ATL2: variants seen among roughly 807,000 people sequenced by gnomAD.
The protein encoded by ATL2 is atlastin-2.
ATL2 carries 31 observed loss-of-function variants against 73.9 expected under a neutral mutation model. That is an observed-to-expected ratio of 0.42 (90% CI 0.32 to 0.57). The LOEUF is 0.57. ATL2 is among the 20% of genes least tolerant of loss of function. The pLI, the probability that ATL2 is intolerant of heterozygous loss-of-function variation, is 0.14. For synonymous variants in ATL2, 291 were observed against 237.5 expected, an observed-to-expected ratio of 1.23 and a Z score of -2.07; for missense variants, 738 against 702.6, an observed-to-expected ratio of 1.05 and a Z score of -0.57.
At chr2:38,323,925 C>T (rs990515603) in intron 2 of ATL2, among the ~76,000 whole-genome samples, 6 of 152,076 alleles carry the variant, frequency 3.9e-5, no homozygotes, top group African/African-American at 1.2e-4. Flanking sequence ...AATAAAGGTT[C>T]ATACAAAAGC....
At chr2:38,308,815 G>C (rs949125006) in intron 9 of ATL2, among the ~76,000 whole-genome samples, 3 of 151,794 alleles carry the variant, frequency 2.0e-5, no homozygotes, top group Admixed American at 2.0e-4. Context: ...TAATATGAGA[G>C]TAACTATCAA....
At chr2:38,376,346 G>C in intron 1 of ATL2, 1 of 964,428 alleles carries the variant, frequency 1.0e-6, no homozygotes, top group Non-Finnish European at 1.4e-6. Flanking sequence ...TACAGTAGGA[G>C]CTCACATTCA....
intron 2 of ATL2, among the ~76,000 whole-genome samples, chr2:38,334,920 ATTTATATATTATAATATATAACAT>A (rs1669256699): frequency 7.5e-6 from 1 of 133,762 alleles, no homozygotes; most frequent in Non-Finnish European, 1.5e-5. Context: ...ATATAAATAT[ATTTATATATTATAATATATAACAT>A]TTATATAATA....
chr2:38,323,391 T>C (rs1016113871), intron 2 of ATL2, among the ~76,000 whole-genome samples: 17 of 122,450 alleles, frequency 1.4e-4, no homozygotes, highest in Non-Finnish European at 2.3e-4. Context: ...GGGGTCTCAC[T>C]TGCTATGTTG....
At chr2:38,326,413 A>G (rs573685132) in intron 2 of ATL2, among the ~76,000 whole-genome samples, 2 of 152,360 alleles carry the variant, frequency 1.3e-5, no homozygotes, top group East Asian at 3.9e-4. Flanking sequence ...GCAAAAAATT[A>G]CAAGCCATGC....
chr2:38,345,670 G>A (rs1669976989), intron 1 of ATL2, among the ~76,000 whole-genome samples: 1 of 152,286 alleles, frequency 6.6e-6, no homozygotes, highest in South Asian at 2.1e-4. Flanking sequence ...GAACTTTCCA[G>A]GAAAAGTTGC....
At chr2:38,373,677 GTA>G (rs1474896928) in intron 1 of ATL2, among the ~76,000 whole-genome samples, 1 of 152,136 alleles carries the variant, frequency 6.6e-6, no homozygotes, top group African/African-American at 2.4e-5. Context: ...AGCAATATGT[GTA>G]TATACCCAAG....
At chr2:38,372,679 A>G (rs1375589390) in intron 1 of ATL2, among the ~76,000 whole-genome samples, 1 of 152,276 alleles carries the variant, frequency 6.6e-6, no homozygotes, top group East Asian at 1.9e-4. Flanking sequence ...ATCACATCTT[A>G]TGTTAATAAC....
intron 1 of ATL2, chr2:38,375,987 TG>T: frequency 8.6e-7 from 1 of 1,161,402 alleles, no homozygotes; most frequent in Non-Finnish European, 1.1e-6. Context: ...TGAGTCCTTG[TG>T]GTTAACATCA....
intron 9 of ATL2, among the ~76,000 whole-genome samples, chr2:38,301,000 C>T (rs1435116995): frequency 2.9e-5 from 4 of 138,566 alleles, no homozygotes; most frequent in South Asian, 2.1e-4. Context: ...GAAGGAATTT[C>T]GCTCTTATTG....
At chr2:38,322,212 T>C (rs1668366474) in intron 2 of ATL2, among the ~76,000 whole-genome samples, 1 of 152,118 alleles carries the variant, frequency 6.6e-6, no homozygotes, top group African/African-American at 2.4e-5. Context: ...AATCTGGTAC[T>C]TAATGAATTT....
chr2:38,320,732 T>A (rs960687077), intron 2 of ATL2, among the ~76,000 whole-genome samples: 1 of 152,170 alleles, frequency 6.6e-6, no homozygotes, highest in African/African-American at 2.4e-5. Flanking sequence ...CTTGGATATC[T>A]AGTCTAAAAC....
chr2:38,355,109 A>C (rs1670581972), intron 1 of ATL2, among the ~76,000 whole-genome samples: 1 of 152,154 alleles, frequency 6.6e-6, no homozygotes, highest in African/African-American at 2.4e-5. Flanking sequence ...GGGTAATAAA[A>C]GCAAAACTAT....
At chr2:38,347,222 CT>C (rs1300304112) in intron 1 of ATL2, among the ~76,000 whole-genome samples, 3 of 152,204 alleles carry the variant, frequency 2.0e-5, no homozygotes, top group Non-Finnish European at 4.4e-5. Flanking sequence ...TGGGCCCAGC[CT>C]CCTCTCCATA....
chr2:38,331,063 G>C (rs1217201353), intron 2 of ATL2, among the ~76,000 whole-genome samples: 1 of 152,124 alleles, frequency 6.6e-6, no homozygotes, highest in Non-Finnish European at 1.5e-5. Context: ...AGCACTTTGG[G>C]AGGCAGGCAG....
At chr2:38,313,301 A>G in intron 6 of ATL2, 58 bp from the exon 7 acceptor site, 1 of 1,269,148 alleles carries the variant, frequency 7.9e-7, no homozygotes, top group Non-Finnish European at 1.1e-6. Flanking sequence ...TTACGAAAAA[A>G]TCACAACTCT....
rs1342483565 is a variant in ATL2 at position 38,294,210 on chromosome 2, A to C, written c.*1784T>G. On this transcript the variant is annotated 3_prime_UTR_variant, in exon 13 of 13. Transcript: ENST00000378954. ...GATGTATCAACCAAAGTAAATTCAG[A>C]GTTTTCACACATGCAACTCAACACC... Among the ~76,000 whole-genome samples, 1 of 152,240 alleles carries C rather than the reference A, an allele frequency of 6.6e-6. No homozygotes were observed. Among genetic ancestry groups the C allele is most frequent in the Non-Finnish European group, 1.5e-5 (1 of 68,040 alleles).
At chr2:38,368,635 T>A (rs1001540798) in intron 1 of ATL2, among the ~76,000 whole-genome samples, 1 of 152,070 alleles carries the variant, frequency 6.6e-6, no homozygotes. Context: ...GCCAATTTAT[T>A]TAAGAAAAAC....
intron 12 of ATL2, chr2:38,296,708 A>G (rs1666914262): frequency 6.4e-7 from 1 of 1,553,294 alleles, no homozygotes; most frequent in African/African-American, 1.4e-5. Flanking sequence ...CCTCTGAAGC[A>G]AAAGAAAAGA....
Sources: allele counts gnomAD v4.1 joint callset (sites outside exome capture counted in the v4.1 genomes callset), GRCh38; gene constraint gnomAD v4.1.1; transcripts MANE v1.5; gene names NCBI Gene and HGNC (gene_info 2026-07-23, HGNC 2026-07-21).